The following SLC39A9 variants were observed in gnomAD, a reference collection of about 807,000 sequenced individuals.
SLC39A9 encodes the protein zinc transporter ZIP9.
Under a neutral mutation model 28.4 loss-of-function variants are expected in SLC39A9, and 14 were observed. That is an observed-to-expected ratio of 0.49 (90% confidence interval 0.33 to 0.77). The LOEUF is 0.77. Among genes scored for constraint, SLC39A9 ranks in the 30% least tolerant of loss-of-function variants. SLC39A9 has a pLI of 0.02. For missense variants in SLC39A9, 283 were observed against 381.1 expected, an observed-to-expected ratio of 0.74 and a Z score of 2.14; for synonymous variants, 119 against 149.6, an observed-to-expected ratio of 0.80 and a Z score of 1.49.
At chr14:69,424,797 T>G (rs918280101) in intron 2 of SLC39A9, among the ~76,000 whole-genome samples, 2 of 152,126 alleles carry the variant, frequency 1.3e-5, no homozygotes, top group South Asian at 2.1e-4. Flanking sequence ...CAAAATCCGA[T>G]TACTACATGT....
chr14:69,420,952 T>G (rs1007351117), intron 1 of SLC39A9, among the ~76,000 whole-genome samples: 11 of 152,244 alleles, frequency 7.2e-5, no homozygotes, highest in African/African-American at 2.7e-4. Flanking sequence ...CTCCTTTAGC[T>G]TGGAGAAGTT....
intron 1 of SLC39A9, among the ~76,000 whole-genome samples, chr14:69,408,090 C>T (rs1883043718): frequency 2.0e-5 from 3 of 151,800 alleles, no homozygotes; most frequent in African/African-American, 4.8e-5. Flanking sequence ...CTTGGCTCAC[C>T]ACAACCTCTC....
At position 69,461,458 on chromosome 14, in the gene SLC39A9, G is replaced by A; in HGVS notation, c.*2865G>A. 7.4e-7 allele frequency: 1 copy of A among 1,357,422 alleles called. No individual in the cohort carries two copies. The highest frequency in any genetic ancestry group is 1.8e-5 in the South Asian group (1 of 56,124). 84.1% of individuals were successfully genotyped at this position (1,357,422 alleles called of 1,614,324 possible). A position where few individuals can be genotyped will look rare whatever the true frequency, so the allele number is the denominator to read the frequency against. ...TTCTGCACTGGAACGTAGACAGTTG[G>A]AAACAGTACTACCTACCTAGAGGTT... is the stretch of plus-strand genomic sequence containing the variant. On this transcript the variant is annotated 3_prime_UTR_variant, in exon 7 of 7. Transcript: ENST00000336643.
chr14:69,459,672 G>T lies in SLC39A9; in HGVS notation c.*1079G>T, dbSNP rs908153603. On this transcript the variant is annotated 3_prime_UTR_variant, in exon 7 of 7. Coordinates refer to ENST00000336643, the MANE Select transcript of SLC39A9 (RefSeq NM_018375.5). ...TCACATAACCACCTGTAGCAAGATG[G>T]ATCATAAATGAGAAGTGTTTGCCTA... 6 of 984,942 alleles carry T rather than the reference G, an allele frequency of 6.1e-6. No individual in the cohort carries two copies. The East Asian group carries it at 5.7e-4, about 93-fold the overall frequency. The allele number at this position is 984,942 out of a possible 1,614,324, so 61.0% of individuals were successfully genotyped here. A position where few individuals can be genotyped will look rare whatever the true frequency, so the allele number is the denominator to read the frequency against.
At chr14:69,433,810 G>A (rs1884611018) in intron 2 of SLC39A9, among the ~76,000 whole-genome samples, 2 of 151,896 alleles carry the variant, frequency 1.3e-5, no homozygotes, top group African/African-American at 4.8e-5. Flanking sequence ...CTTTGAGGCA[G>A]GGTCTCACTT....
chr14:69,433,844 G>T (rs1330200544), intron 2 of SLC39A9, among the ~76,000 whole-genome samples: 1 of 151,970 alleles, frequency 6.6e-6, no homozygotes, highest in Non-Finnish European at 1.5e-5. Context: ...GGGTACAGTG[G>T]CACAGTCTCA....
At chr14:69,417,178 C>T (rs993191189) in intron 1 of SLC39A9, among the ~76,000 whole-genome samples, 1 of 152,178 alleles carries the variant, frequency 6.6e-6, no homozygotes, top group Non-Finnish European at 1.5e-5. Flanking sequence ...CCAGTTTCAG[C>T]TTTCTACATA....
At chr14:69,456,599 G>A (rs1251372971) in intron 6 of SLC39A9, among the ~76,000 whole-genome samples, 1 of 152,076 alleles carries the variant, frequency 6.6e-6, no homozygotes, top group Admixed American at 6.6e-5. Context: ...CTCCAAGCTG[G>A]ACCTTCCCAT....
At chr14:69,424,499 CAT>C (rs1035703037) in intron 2 of SLC39A9, among the ~76,000 whole-genome samples, 1 of 152,052 alleles carries the variant, frequency 6.6e-6, no homozygotes, top group African/African-American at 2.4e-5. Flanking sequence ...CCAAATCCCA[CAT>C]GATAGTGGCT....
intron 2 of SLC39A9, among the ~76,000 whole-genome samples, chr14:69,424,545 T>G (rs191308881): frequency 1.4e-4 from 22 of 152,152 alleles, no homozygotes; most frequent in Non-Finnish European, 2.9e-5. Context: ...TATATAGATA[T>G]AAATATTTAA....
intron 3 of SLC39A9, among the ~76,000 whole-genome samples, chr14:69,444,413 T>C (rs865881824): frequency 6.6e-6 from 1 of 152,144 alleles, no homozygotes; most frequent in Non-Finnish European, 1.5e-5. Context: ...CTTAAACTTA[T>C]GAAAAGATGT....
intron 1 of SLC39A9, among the ~76,000 whole-genome samples, chr14:69,418,221 A>C (rs1246011346): frequency 6.6e-6 from 1 of 152,062 alleles, no homozygotes. Context: ...TATTGAGATA[A>C]TCATGTGGTT....
chr14:69,405,269 C>T (rs920118987), intron 1 of SLC39A9, among the ~76,000 whole-genome samples: 5 of 152,118 alleles, frequency 3.3e-5, no homozygotes, highest in African/African-American at 7.2e-5. Flanking sequence ...GAGTTACCCG[C>T]AAATCAAAGG....
intron 2 of SLC39A9, among the ~76,000 whole-genome samples, chr14:69,426,015 G>A (rs1294486222): frequency 6.6e-6 from 1 of 152,076 alleles, no homozygotes; most frequent in Non-Finnish European, 1.5e-5. Context: ...GTTGTGTGTA[G>A]AGAAAAACTC....
intron 1 of SLC39A9, among the ~76,000 whole-genome samples, chr14:69,412,892 C>A (rs139536606): frequency 1.6e-3 from 247 of 152,234 alleles, no homozygotes; most frequent in South Asian, 8.9e-3. Context: ...TGCCTTTCTT[C>A]GAAGGAAATA....
chr14:69,453,473 G>A (rs1275885757), intron 4 of SLC39A9, among the ~76,000 whole-genome samples, 164 bp downstream of exon 4: 2 of 151,994 alleles, frequency 1.3e-5, no homozygotes, highest in Non-Finnish European at 2.9e-5. Context: ...GGTGTGCTCA[G>A]TGTCAGGGGT....
At chr14:69,448,214 C>CAAAAA (rs34195562) in intron 3 of SLC39A9, among the ~76,000 whole-genome samples, 1 of 87,194 alleles carries the variant, frequency 1.1e-5, no homozygotes. Flanking sequence ...GACTCTGTCT[C>CAAAAA]AAAAAAAAAA....
chr14:69,438,024 CTT>C (rs374673006), intron 2 of SLC39A9, among the ~76,000 whole-genome samples: 7 of 140,332 alleles, frequency 5.0e-5, no homozygotes, highest in Non-Finnish European at 9.3e-5. Flanking sequence ...TTCCCTTACC[CTT>C]TTTTTTTTTT....
At chr14:69,403,795 G>A (rs959194207) in intron 1 of SLC39A9, among the ~76,000 whole-genome samples, 3 of 152,176 alleles carry the variant, frequency 2.0e-5, no homozygotes, top group African/African-American at 7.2e-5. Flanking sequence ...TGTAATCCCA[G>A]CACTTTGGGA....
Sources: allele counts gnomAD v4.1 joint callset (sites outside exome capture counted in the v4.1 genomes callset), GRCh38; gene constraint gnomAD v4.1.1; transcripts MANE v1.5; gene names NCBI Gene and HGNC (gene_info 2026-07-23, HGNC 2026-07-21).